Variants in LRRC4C observed in about 807,000 individuals in gnomAD.
LRRC4C encodes the protein leucine-rich repeat-containing protein 4C.
Under a neutral mutation model 33.6 loss-of-function variants are expected in LRRC4C, and 5 were observed. That is an observed-to-expected ratio of 0.15 (90% confidence interval 0.08 to 0.31). LRRC4C has a LOEUF of 0.31. Ranked by LOEUF, LRRC4C falls within the 10% of genes least tolerant of loss-of-function variation. The pLI is 1.00. For missense variants in LRRC4C, 560 were observed against 796.7 expected, an observed-to-expected ratio of 0.70 and a Z score of 3.58; for synonymous variants, 329 against 302.0, an observed-to-expected ratio of 1.09 and a Z score of -0.93.
intron 2 of LRRC4C, among the ~76,000 whole-genome samples, chr11:40,875,100 T>C (rs1258557128): frequency 6.6e-6 from 1 of 152,126 alleles, no homozygotes; most frequent in Non-Finnish European, 1.5e-5. Flanking sequence ...ATTATTTTAG[T>C]ACACAAGAAT....
intron 3 of LRRC4C, among the ~76,000 whole-genome samples, chr11:40,629,354 A>G (rs1288200537): frequency 2.0e-5 from 3 of 152,058 alleles, no homozygotes; most frequent in Admixed American, 2.0e-4. Flanking sequence ...ACAGAGCGAG[A>G]TTCTCATGCC....
At chr11:40,476,609 G>A (rs761675768) in intron 3 of LRRC4C, among the ~76,000 whole-genome samples, 16 of 152,054 alleles carry the variant, frequency 1.1e-4, no homozygotes, top group Non-Finnish European at 2.2e-4. Flanking sequence ...CTCCCAAAGT[G>A]CTGGGATTAC....
At chr11:40,595,164 A>G (rs577443073) in intron 3 of LRRC4C, among the ~76,000 whole-genome samples, 30 of 152,256 alleles carry the variant, frequency 2.0e-4, no homozygotes, top group African/African-American at 7.2e-4. Flanking sequence ...TGGTGCTCAA[A>G]AAAAGAAGGA....
chr11:41,044,487 C>A (rs1857639936), intron 1 of LRRC4C, among the ~76,000 whole-genome samples: 1 of 152,026 alleles, frequency 6.6e-6, no homozygotes, highest in Admixed American at 6.6e-5. Flanking sequence ...ATCAATATTT[C>A]CTTGACCAGA....
At chr11:40,514,820 G>T (rs1228143928) in intron 3 of LRRC4C, among the ~76,000 whole-genome samples, 1 of 152,094 alleles carries the variant, frequency 6.6e-6, no homozygotes, top group African/African-American at 2.4e-5. Flanking sequence ...GAAGTTAATT[G>T]TTGGCAAGAA....
rs913740542 is a variant in LRRC4C at position 41,232,786 on chromosome 11, C to T, written c.-496+226645G>A. Among the ~76,000 whole-genome samples, 7 of 143,848 alleles carry T rather than the reference C, an allele frequency of 4.9e-5. No homozygotes were observed. In the Middle Eastern group the frequency reaches 9.9e-3, roughly 204 times the overall value. 94.4% of individuals were successfully genotyped at this position (143,848 alleles called of 152,430 possible). A position where few individuals can be genotyped will look rare whatever the true frequency, so the allele number is the denominator to read the frequency against. The stretch of plus-strand genomic sequence containing the variant: ...CACACACACACACACACACACACGT[C>T]ATAGTGAAAGACTAAATGCCAAGTA... On this transcript the variant is annotated intron_variant, in intron 1 of 6. Transcript: ENST00000528697.
At chr11:41,283,632 C>A (rs1039941161) in intron 1 of LRRC4C, among the ~76,000 whole-genome samples, 1 of 152,186 alleles carries the variant, frequency 6.6e-6, no homozygotes, top group Non-Finnish European at 1.5e-5. Context: ...TAATTGTTTA[C>A]ATCTTGTCAA....
rs17523101 is a variant in LRRC4C, at chr11:41,428,416, A to C, written c.-496+31015T>G. ...TGCATTTAAGTATGTTCAAGAATGCACTGGCCCATATGGACAAAAAAACGT... is the reference window on the plus strand; with the variant it reads ...TGCATTTAAGTATGTTCAAGAATGCCCTGGCCCATATGGACAAAAAAACGT... On this transcript the variant is annotated intron_variant, in intron 1 of 6. Coordinates refer to ENST00000528697, the MANE Select transcript of LRRC4C (RefSeq NM_001258419.2). Among the ~76,000 whole-genome samples, 831 of 152,294 alleles carry C rather than the reference A, an allele frequency of 5.5e-3. 11 individuals carry two copies. The highest frequency in any genetic ancestry group is 0.027 in the Admixed American group (408 of 15,292).
At chr11:40,936,380 C>T (rs1424439984) in intron 1 of LRRC4C, among the ~76,000 whole-genome samples, 2 of 146,382 alleles carry the variant, frequency 1.4e-5, no homozygotes, top group Non-Finnish European at 3.0e-5. Context: ...CTCTGCTGCC[C>T]AGGCTGGAGT....
intron 3 of LRRC4C, among the ~76,000 whole-genome samples, chr11:40,490,149 C>T (rs1232874147): frequency 6.6e-6 from 1 of 152,074 alleles, no homozygotes; most frequent in Non-Finnish European, 1.5e-5. Flanking sequence ...AAATGTATAA[C>T]TAAAAAAAGT....
At chr11:40,225,709 C>T (rs548854195) in intron 5 of LRRC4C, among the ~76,000 whole-genome samples, 11 of 151,960 alleles carry the variant, frequency 7.2e-5, no homozygotes, top group East Asian at 3.9e-4. Flanking sequence ...TTCCGCCTCC[C>T]GGGTTCAAGC....
At chr11:40,141,735 T>A (rs1242681877) in intron 5 of LRRC4C, among the ~76,000 whole-genome samples, 1 of 151,568 alleles carries the variant, frequency 6.6e-6, no homozygotes, top group Admixed American at 6.6e-5. Flanking sequence ...CAAGGAGGAG[T>A]GAAGCACAGG....
intron 3 of LRRC4C, among the ~76,000 whole-genome samples, chr11:40,320,563 CA>C (rs1945794949): frequency 6.6e-6 from 1 of 152,064 alleles, no homozygotes; most frequent in African/African-American, 2.4e-5. Context: ...ACATATTCCT[CA>C]GTTTGATATA....
intron 3 of LRRC4C, among the ~76,000 whole-genome samples, chr11:40,637,476 A>G (rs1941824180): frequency 6.6e-6 from 1 of 152,166 alleles, no homozygotes; most frequent in African/African-American, 2.4e-5. Context: ...TGAAGTAGAT[A>G]TTATTTATTT....
chr11:40,696,732 CATATATATACACTGTGTATAT>C (rs1295914044), intron 2 of LRRC4C, among the ~76,000 whole-genome samples: 3 of 106,112 alleles, frequency 2.8e-5, no homozygotes, highest in South Asian at 3.0e-4. Context: ...TGTCTCTGTG[CATATATATACACTGTGTATAT>C]ATATATATAT....
At chr11:41,178,836 G>C (rs911092164) in intron 1 of LRRC4C, among the ~76,000 whole-genome samples, 1 of 152,126 alleles carries the variant, frequency 6.6e-6, no homozygotes, top group Non-Finnish European at 1.5e-5. Context: ...CCAAGTAGCT[G>C]GGATTACAGG....
intron 2 of LRRC4C, among the ~76,000 whole-genome samples, chr11:40,837,552 G>A (rs1016668289): frequency 5.4e-4 from 82 of 151,676 alleles, no homozygotes; most frequent in Admixed American, 5.3e-3. Flanking sequence ...CATTCAAGAG[G>A]GGAGGGGCTG....
intron 1 of LRRC4C, among the ~76,000 whole-genome samples, chr11:41,330,538 T>TGAACACCCTGAATGTCTGCTCA (rs1565587117): frequency 2.0e-5 from 3 of 152,100 alleles, no homozygotes; most frequent in Non-Finnish European, 4.4e-5. Flanking sequence ...CCCCTTCATA[T>TGAACACCCTGAATGTCTGCTCA]GAACACCCTG....
At position 40,415,392 on chromosome 11, in the gene LRRC4C, G is replaced by A. The variant is rs71484105; in HGVS notation, c.-269-95671C>T. Among the ~76,000 whole-genome samples, 824 of 152,242 alleles carry A rather than the reference G, an allele frequency of 5.4e-3. 3 individuals are homozygous for A. Among genetic ancestry groups the A allele is most frequent in the Admixed American group, 0.012 (186 of 15,288 alleles). On this transcript the variant is annotated intron_variant, in intron 3 of 6. Transcript: ENST00000528697. ...GACATGCGGTGGTGCAATGGAACAC[G>A]TGCATGGGGAGAGGAGATAGTGCAG... is the stretch of plus-strand genomic sequence containing the variant.
Sources: gnomAD v4.1 joint callset for allele counts (sites outside exome capture counted in the v4.1 genomes callset) on GRCh38, gnomAD v4.1.1 for gene constraint, MANE v1.5 for transcripts, NCBI Gene and HGNC (gene_info 2026-07-23, HGNC 2026-07-21) for gene names.